Variants in RNF17 observed in about 807,000 individuals in gnomAD.
The protein encoded by RNF17 is ring finger protein 17, also known as spermatogenesis associated 23.
A neutral mutation model predicts 200.5 loss-of-function variants in RNF17; 31 were observed. The ratio of observed to expected loss-of-function variants is 0.15; its 90% CI spans 0.12 to 0.21. The LOEUF is 0.21. RNF17 is among the 10% of genes least tolerant of loss of function. The pLI, the probability that RNF17 is intolerant of heterozygous loss-of-function variation, is 1.00. For synonymous variants in RNF17, 606 were observed against 637.8 expected (o/e 0.95, Z 0.75); for missense variants, 1,628 against 1,905.1 (o/e 0.85, Z 2.71).
intron 20 of RNF17, 150 bp from the exon 21 acceptor site, chr13:24,844,502 C>T: frequency 1.6e-6 from 1 of 619,554 alleles, no homozygotes. Flanking sequence ...GTTCAAAAAC[C>T]TGAGGAAGAA....
intron 30 of RNF17, among the ~76,000 whole-genome samples, chr13:24,867,085 C>CTATTTGAGTTAT (rs2138370864): frequency 6.6e-6 from 1 of 152,270 alleles, no homozygotes; most frequent in South Asian, 2.1e-4. Context: ...CCCTTCAAAT[C>CTATTTGAGTTAT]TATTTGAGTT....
chr13:24,789,181 C>G (rs9634408), intron 7 of RNF17, among the ~76,000 whole-genome samples, 167 bp from the exon 8 acceptor site: 1 of 151,956 alleles, frequency 6.6e-6, no homozygotes, highest in Non-Finnish European at 1.5e-5. Context: ...ATACATATCT[C>G]CAAAAGTCAT....
chr13:24,816,161 A>G (rs1309249624), intron 15 of RNF17, among the ~76,000 whole-genome samples: 1 of 152,072 alleles, frequency 6.6e-6, no homozygotes, highest in Non-Finnish European at 1.5e-5. Flanking sequence ...TACCCTCCCA[A>G]AGTGCTGGGA....
intron 10 of RNF17, chr13:24,794,366 T>A: frequency 2.9e-6 from 1 of 338,990 alleles, no homozygotes; most frequent in Non-Finnish European, 5.8e-6. Context: ...CATATTACTT[T>A]CTAATGTTAA....
upstream of RNF17, among the ~76,000 whole-genome samples, chr13:24,763,369 A>ATTTTTTTTTTTTTTTTTTTTTTTTTT: frequency 8.7e-6 from 1 of 114,710 alleles, no homozygotes; most frequent in Non-Finnish European, 1.7e-5. Context: ...CGTCCGGCTA[A>ATTTTTTTTTTTTTTTTTTTTTTTTTT]TTTTTTTTTT....
intron 34 of RNF17, among the ~76,000 whole-genome samples, chr13:24,878,779 C>T (rs9507429): frequency 0.79 from 119,458 of 151,868 alleles, 47,405 homozygotes; most frequent in East Asian, 0.85. Flanking sequence ...GCATCAGTCT[C>T]CTCTGAAAAC....
In RNF17 at chr13:24,845,884, A is replaced by G. The variant is rs149452512; in HGVS notation, c.3101+805A>G. Among the ~76,000 whole-genome samples, 27 of 152,324 alleles carry G rather than the reference A, an allele frequency of 1.8e-4. No individual in the cohort carries two copies. In the East Asian group the frequency reaches 4.8e-3, roughly 27 times the overall value. Reference sequence around the variant, plus strand: ...AAGAAATTGCTGGGAATAGACTTCAATTTGAGCAAGACAGGCAGTGGAGCA... The same window carrying G: ...AAGAAATTGCTGGGAATAGACTTCAGTTTGAGCAAGACAGGCAGTGGAGCA... On this transcript the variant is annotated intron_variant, in intron 22 of 35. Transcript: ENST00000255324.
the RNF17 span, among the ~76,000 whole-genome samples, chr13:24,753,895 G>A: frequency 6.6e-6 from 1 of 152,188 alleles, no homozygotes; most frequent in East Asian, 1.9e-4. Context: ...GGTGGCTCAT[G>A]CCTGTAATCC....
downstream of RNF17, among the ~76,000 whole-genome samples, chr13:24,881,383 T>C (rs1953809785): frequency 1.3e-5 from 2 of 152,020 alleles, no homozygotes; most frequent in Admixed American, 1.3e-4. Flanking sequence ...TCAAGTGATC[T>C]GCCAACTTTG....
chr13:24,852,305 A>ATT (rs1295349948), intron 24 of RNF17, among the ~76,000 whole-genome samples: 9 of 151,760 alleles, frequency 5.9e-5, no homozygotes, highest in Non-Finnish European at 1.2e-4. Flanking sequence ...CGCCTGGCTA[A>ATT]TTTTTTGTAT....
rs1566104586 is a variant in RNF17 at position 24,764,225 on chromosome 13, A to T, written c.22A>T (p.Thr8Ser). MAAEASK[T>S]GPSRSSYQRM... ...AGCGATGGCGGCAGAGGCTTCGAAGACTGGGCCTTCTAGGTCTTCCTACCA... is the reference window on the plus strand; with the variant it reads ...AGCGATGGCGGCAGAGGCTTCGAAGTCTGGGCCTTCTAGGTCTTCCTACCA... Residue 8 changes from threonine (T) to serine (S), a missense_variant, in exon 1 of 36, where the codon ACT becomes TCT. By Grantham distance (58) the Thr-to-Ser change is moderately conservative (BLOSUM62 1). Transcript: ENST00000255324. 6.2e-7 allele frequency: 1 copy of T among 1,602,564 alleles called. No individual in the cohort carries two copies. Among genetic ancestry groups the T allele is most frequent in the South Asian group, 1.1e-5 (1 of 90,338 alleles).
intron 22 of RNF17, among the ~76,000 whole-genome samples, chr13:24,846,042 A>G (rs1309273067): frequency 9.2e-5 from 14 of 152,192 alleles, no homozygotes; most frequent in Admixed American, 8.5e-4. Flanking sequence ...GCAGTGAGCT[A>G]TGATTGTGCT....
At chr13:24,821,014 G>T (rs1887993894) in intron 15 of RNF17, among the ~76,000 whole-genome samples, 2 of 152,126 alleles carry the variant, frequency 1.3e-5, no homozygotes, top group Admixed American at 1.3e-4. Flanking sequence ...AGAAGTATGA[G>T]ATCAGTTTGT....
chr13:24,825,645 A>G lies in RNF17; in HGVS notation c.2118A>G (p.Leu706=), dbSNP rs375373903. The part of the protein sequence containing the change: ...QLIEGLDILF[L]LKTIEEFYKS... ...TAGAGGGCCTGGATATTTTATTTCT[A>G]TTAAAGACAATCGAGGAATTCTATA... The change falls in exon 16 of 36, where the codon CTA becomes CTG. Residue 706 remains leucine (L), a synonymous_variant. Transcript: ENST00000255324. 2.5e-5 allele frequency: 40 copies of G among 1,601,142 alleles called. No homozygotes were observed. Among genetic ancestry groups the G allele is most frequent in the Admixed American group, 3.3e-5 (2 of 59,946 alleles).
intron 2 of RNF17, among the ~76,000 whole-genome samples, chr13:24,767,973 T>C (rs1047228739): frequency 6.6e-6 from 1 of 152,152 alleles, no homozygotes; most frequent in Non-Finnish European, 1.5e-5. Context: ...GTATATTCCT[T>C]TAAAAACCCT....
intron 8 of RNF17, 24 bp from the exon 9 acceptor site, chr13:24,789,674 G>A: frequency 2.2e-6 from 3 of 1,390,420 alleles, no homozygotes; most frequent in Non-Finnish European, 3.1e-6. Context: ...GAACATTTAT[G>A]TATATGTTAA....
Position 24,858,926 on chromosome 13 carries a change from AGAAAT to A in RNF17, c.3611-71_3611-67del, listed in dbSNP as rs948591272. ...GACTGGTTTTTAATTATACTACTGA[AGAAAT>A]GAAGTTATTAAATTGACAAATGATA... On this transcript the variant is annotated intron_variant, in intron 25 of 35. Coordinates refer to ENST00000255324, the MANE Select transcript of RNF17 (RefSeq NM_031277.3). The A allele has an allele frequency of 1.3e-4, 126 of 945,140 alleles. No homozygotes were observed. In the African/African-American group the frequency reaches 1.9e-3, roughly 14 times the overall value. The allele number at this position is 945,140 out of a possible 1,614,324, so 58.5% of individuals were successfully genotyped here.
chr13:24,883,143 C>CAGTT (rs1445681439), downstream of RNF17: 7 of 1,563,874 alleles, frequency 4.5e-6, no homozygotes, highest in African/African-American at 1.4e-5. Context: ...CATAAAAAGT[C>CAGTT]AGTTACTGTT....
chr13:24,856,129 T>A (rs1892459657), intron 25 of RNF17, among the ~76,000 whole-genome samples: 1 of 152,030 alleles, frequency 6.6e-6, no homozygotes, highest in Non-Finnish European at 1.5e-5. Flanking sequence ...TCGTTTTAAA[T>A]CCTTTCTTGG....
Sources: gnomAD v4.1 joint callset for allele counts (sites outside exome capture counted in the v4.1 genomes callset) on GRCh38, gnomAD v4.1.1 for gene constraint, MANE v1.5 for transcripts, NCBI Gene and HGNC (gene_info 2026-07-23, HGNC 2026-07-21) for gene names.